Variants in ACSS3 observed in about 807,000 individuals in gnomAD.
ACSS3 encodes the protein acyl-CoA synthetase short-chain family member 3, mitochondrial.
Under a neutral mutation model 84.2 loss-of-function variants are expected in ACSS3, and 64 were observed. The ratio of observed to expected loss-of-function variants is 0.76; its 90% CI spans 0.62 to 0.94. ACSS3 has a LOEUF of 0.94. Among genes scored for constraint, ACSS3 ranks in the 40% least tolerant of loss-of-function variants. The pLI is 0.00. For missense variants in ACSS3, 815 were observed against 867.6 expected, an observed-to-expected ratio of 0.94 and a Z score of 0.76; for synonymous variants, 317 against 310.1, an observed-to-expected ratio of 1.02 and a Z score of -0.23.
intron 7 of ACSS3, among the ~76,000 whole-genome samples, chr12:81,166,733 G>A (rs920615077): frequency 2.6e-5 from 4 of 152,150 alleles, no homozygotes; most frequent in Non-Finnish European, 4.4e-5. Context: ...TTTTTGACAT[G>A]GAGAAATCTG....
intron 1 of ACSS3, 93 bp from the exon 2 acceptor site, chr12:81,109,467 C>A: frequency 7.1e-7 from 1 of 1,417,600 alleles, no homozygotes; most frequent in Non-Finnish European, 9.5e-7. Flanking sequence ...TGTTTTAAGG[C>A]CAGCTCTATC....
At chr12:81,219,909 C>T (rs1048376449) in intron 10 of ACSS3, 104 bp from the exon 11 acceptor site, 3 of 625,576 alleles carry the variant, frequency 4.8e-6, no homozygotes, top group Admixed American at 4.1e-5. Context: ...TAAAAGATTA[C>T]TCTCTTAAGC....
intron 3 of ACSS3, among the ~76,000 whole-genome samples, chr12:81,137,457 T>C (rs1885870255): frequency 6.6e-6 from 1 of 151,976 alleles, no homozygotes; most frequent in South Asian, 2.1e-4. Flanking sequence ...AAGATGGAGA[T>C]ATATATATCT....
intron 1 of ACSS3, among the ~76,000 whole-genome samples, chr12:81,097,207 A>T (rs531340068): frequency 3.3e-5 from 5 of 152,338 alleles, no homozygotes; most frequent in African/African-American, 1.2e-4. Flanking sequence ...GCTCTAGAGA[A>T]GGGAGTGGGA....
At chr12:81,093,141 G>A (rs1004052864) in intron 1 of ACSS3, among the ~76,000 whole-genome samples, 1 of 152,112 alleles carries the variant, frequency 6.6e-6, no homozygotes, top group Non-Finnish European at 1.5e-5. Context: ...ACTTTCACTG[G>A]CATTTATTTA....
At chr12:81,188,001 C>G (rs1442940653) in intron 8 of ACSS3, among the ~76,000 whole-genome samples, 3 of 151,820 alleles carry the variant, frequency 2.0e-5, no homozygotes, top group Non-Finnish European at 4.4e-5. Context: ...TATTGCTAAG[C>G]AAATTTGAGA....
rs2034289427 is a variant in ACSS3 at position 81,256,184 on chromosome 12, G to C, written c.*1262G>C. On this transcript the variant is annotated 3_prime_UTR_variant, in exon 16 of 16. Coordinates refer to ENST00000548058, the MANE Select transcript of ACSS3 (RefSeq NM_024560.4). ...ACCTCAAGGAGCAGCGGACCCAGCA[G>C]AATATGGCCCAAAAAGGAGGCAGGT... 6.6e-6 allele frequency: 1 copy of C among 152,054 alleles called. No individual in the cohort carries two copies. The highest frequency in any genetic ancestry group is 2.1e-4 in the South Asian group (1 of 4,824). 9.4% of individuals were successfully genotyped at this position (152,054 alleles called of 1,614,324 possible).
chr12:81,239,504 C>T (rs1222296231), intron 13 of ACSS3, among the ~76,000 whole-genome samples: 3 of 151,940 alleles, frequency 2.0e-5, no homozygotes, highest in Admixed American at 6.6e-5. Context: ...TTAATTGACT[C>T]ATAATCCCAT....
rs549956497 is a variant in ACSS3, at chr12:81,128,811, G to A, written c.457-6005G>A. 1.5e-3 allele frequency among the ~76,000 whole-genome samples: 224 copies of A among 152,238 alleles called. 2 individuals are homozygous for A. The highest frequency in any genetic ancestry group is 2.4e-3 in the Non-Finnish European group (163 of 68,000). On this transcript the variant is annotated intron_variant, in intron 2 of 15. Coordinates refer to ENST00000548058, the MANE Select transcript of ACSS3 (RefSeq NM_024560.4). ...CTTCTTTGATAATTTTCCACCTGAAGTTGATAAAAACTAGGTGAACCCTGA... is the reference window on the plus strand; with the variant it reads ...CTTCTTTGATAATTTTCCACCTGAAATTGATAAAAACTAGGTGAACCCTGA...
chr12:81,137,422 T>C (rs1172145921), intron 3 of ACSS3, among the ~76,000 whole-genome samples: 1 of 151,466 alleles, frequency 6.6e-6, no homozygotes, highest in African/African-American at 2.4e-5. Flanking sequence ...GACAAGGCAA[T>C]TGGGCAGGTC....
chr12:81,232,728 GT>G (rs1267064102), intron 12 of ACSS3, among the ~76,000 whole-genome samples: 1 of 151,682 alleles, frequency 6.6e-6, no homozygotes, highest in Non-Finnish European at 1.5e-5. Context: ...TGAAGTCCAT[GT>G]TCATAAACAT....
intron 5 of ACSS3, among the ~76,000 whole-genome samples, chr12:81,144,259 T>C (rs908429409): frequency 2.6e-5 from 4 of 152,218 alleles, no homozygotes; most frequent in Non-Finnish European, 4.4e-5. Context: ...GGTTATGTTT[T>C]AGTATATTTT....
chr12:81,204,601 A>G (rs1022883641), intron 9 of ACSS3, among the ~76,000 whole-genome samples: 1 of 152,154 alleles, frequency 6.6e-6, no homozygotes, highest in African/African-American at 2.4e-5. Context: ...CATGACAGCT[A>G]CAAAGATAGA....
chr12:81,104,970 C>T (rs1164064952), intron 1 of ACSS3: 1 of 152,048 alleles, frequency 6.6e-6, no homozygotes, highest in African/African-American at 2.4e-5. Context: ...ATAACCATCA[C>T]CCAAAGAGCG....
chr12:81,236,165 T>C (rs1206786441), intron 13 of ACSS3, among the ~76,000 whole-genome samples: 1 of 151,494 alleles, frequency 6.6e-6, no homozygotes, highest in Non-Finnish European at 1.5e-5. Flanking sequence ...TTATTTTTAA[T>C]TATGAATGAA....
At chr12:81,179,975 G>T (rs2030811388) in intron 8 of ACSS3, among the ~76,000 whole-genome samples, 1 of 152,104 alleles carries the variant, frequency 6.6e-6, no homozygotes, top group African/African-American at 2.4e-5. Context: ...AAAGACATGT[G>T]ATCAAGCTAA....
At chr12:81,154,065 A>C (rs1886749289) in intron 7 of ACSS3, among the ~76,000 whole-genome samples, 1 of 152,234 alleles carries the variant, frequency 6.6e-6, no homozygotes, top group South Asian at 2.1e-4. Context: ...ATTTGTAATA[A>C]TTAAAACAAA....
intron 4 of ACSS3, among the ~76,000 whole-genome samples, chr12:81,141,058 A>T (rs994586322): frequency 2.0e-5 from 3 of 152,194 alleles, no homozygotes; most frequent in African/African-American, 7.2e-5. Context: ...TTTAAACTCC[A>T]GTTTAATGAT....
chr12:81,139,105 T>C (rs760743653), intron 3 of ACSS3, 26 bp from the exon 4 acceptor site: 5 of 1,604,220 alleles, frequency 3.1e-6, no homozygotes, highest in Non-Finnish European at 4.3e-6. Flanking sequence ...TAAAGCTTTC[T>C]CTCCATTATT....
Sources: allele counts gnomAD v4.1 joint callset (sites outside exome capture counted in the v4.1 genomes callset), GRCh38; gene constraint gnomAD v4.1.1; transcripts MANE v1.5; gene names NCBI Gene and HGNC (gene_info 2026-07-23, HGNC 2026-07-21).